PXDNL: variants seen among roughly 807,000 people sequenced by gnomAD.
The protein encoded by PXDNL is peroxidasin like.
In PXDNL, 145 loss-of-function variants were observed where a neutral mutation model predicts 150.8. The observed-to-expected ratio is 0.96, with a 90% CI of 0.84 to 1.10. The LOEUF is 1.10. Ranked by LOEUF, PXDNL falls within the 50% of genes least tolerant of loss-of-function variation. The pLI, the probability that PXDNL is intolerant of heterozygous loss-of-function variation, is 0.00. For missense variants in PXDNL, 2,087 were observed against 1,873.9 expected (o/e 1.11, Z -2.10); for synonymous variants, 757 against 725.7 (o/e 1.04, Z -0.69).
At chr8:51,753,913 A>G (rs2037071695) in intron 1 of PXDNL, among the ~76,000 whole-genome samples, 1 of 152,216 alleles carries the variant, frequency 6.6e-6, no homozygotes, top group African/African-American at 2.4e-5. Context: ...TGATTTGATG[A>G]AAGTCTCACT....
chr8:51,618,146 A>G (rs189076377), intron 2 of PXDNL, among the ~76,000 whole-genome samples: 8 of 152,276 alleles, frequency 5.3e-5, no homozygotes, highest in African/African-American at 1.9e-4. Flanking sequence ...AGTCACCCAG[A>G]CCTCCAGATG....
rs145408701 is a variant in PXDNL at position 51,576,387 on chromosome 8, T to A, written c.308+16240A>T. On this transcript the variant is annotated intron_variant, in intron 3 of 22. Transcript: ENST00000356297. ...ATAGCAAAAAGATAACAGGAGAATATCTAAACACTTGGAAACCAAACAACG... is the reference window on the plus strand; with the variant it reads ...ATAGCAAAAAGATAACAGGAGAATAACTAAACACTTGGAAACCAAACAACG... 5.5e-3 allele frequency among the ~76,000 whole-genome samples: 840 copies of A among 151,672 alleles called. 9 individuals are homozygous for A. The highest frequency in any genetic ancestry group is 0.019 in the African/African-American group (794 of 41,388).
intron 3 of PXDNL, among the ~76,000 whole-genome samples, chr8:51,563,854 G>T (rs1812762506): frequency 6.6e-6 from 1 of 151,836 alleles, no homozygotes; most frequent in Non-Finnish European, 1.5e-5. Flanking sequence ...AGACAGTACA[G>T]AGCAATGTAA....
At chr8:51,486,770 ATATATATATATATATATATATATATTTT>A (rs1810752869) in intron 5 of PXDNL, among the ~76,000 whole-genome samples, 1 of 7,284 alleles carries the variant, frequency 1.4e-4, no homozygotes. Flanking sequence ...ATATATATAT[ATATATATATATATATATATATATATTTT>A]TTTTTTTTTT....
chr8:51,521,076 C>CAA (rs199940142), intron 4 of PXDNL, among the ~76,000 whole-genome samples: 1 of 150,334 alleles, frequency 6.7e-6, no homozygotes, highest in African/African-American at 2.4e-5. Context: ...CCCGTTTCTG[C>CAA]AAAAAAAAAT....
At chr8:51,332,425 A>G (rs1431585657) in intron 21 of PXDNL, among the ~76,000 whole-genome samples, 5 of 152,180 alleles carry the variant, frequency 3.3e-5, no homozygotes, top group Admixed American at 1.3e-4. Flanking sequence ...AGGCTCATCA[A>G]TGATCCCAAA....
intron 4 of PXDNL, among the ~76,000 whole-genome samples, chr8:51,542,869 A>G (rs1812253231): frequency 6.6e-6 from 1 of 152,166 alleles, no homozygotes. Flanking sequence ...AGACAGATCA[A>G]CAAAGGCCAA....
chr8:51,401,513 T>A (rs1200025800), intron 17 of PXDNL, among the ~76,000 whole-genome samples: 1 of 152,190 alleles, frequency 6.6e-6, no homozygotes, highest in African/African-American at 2.4e-5. Flanking sequence ...ACAAAGTCAC[T>A]GCCTCCAAAT....
chr8:51,615,528 TG>T (rs1563484512), intron 2 of PXDNL, among the ~76,000 whole-genome samples: 1 of 151,814 alleles, frequency 6.6e-6, no homozygotes, highest in South Asian at 2.1e-4. Context: ...TTAAAGAGTC[TG>T]GGGGGAAAAG....
At position 51,664,212 on chromosome 8, in the gene PXDNL, G is replaced by A. The variant is rs147612381; in HGVS notation, c.165-9452C>T. On this transcript the variant is annotated intron_variant, in intron 1 of 22. Coordinates refer to ENST00000356297, the MANE Select transcript of PXDNL (RefSeq NM_144651.5). ...TCCAACTGCAAAGTCTAACTCGGAG[G>A]TCATCATATACCATGTTATATAAAG... Among the ~76,000 whole-genome samples the A allele has an allele frequency of 9.9e-3, 1,508 of 152,254 alleles. 21 individuals are homozygous for A. Among genetic ancestry groups the A allele is most frequent in the Non-Finnish European group, 0.016 (1,055 of 68,010 alleles).
intron 1 of PXDNL, among the ~76,000 whole-genome samples, chr8:51,728,975 A>G (rs1816869643): frequency 6.6e-6 from 1 of 152,136 alleles, no homozygotes; most frequent in South Asian, 2.1e-4. Flanking sequence ...TGCCTTTTAT[A>G]TGGTATTTTT....
intron 2 of PXDNL, among the ~76,000 whole-genome samples, chr8:51,647,811 A>C (rs985749096): frequency 1.3e-5 from 2 of 152,214 alleles, no homozygotes; most frequent in Non-Finnish European, 2.9e-5. Flanking sequence ...CACTTACAAT[A>C]GTGTCTCCAT....
intron 1 of PXDNL, among the ~76,000 whole-genome samples, chr8:51,667,615 T>C (rs1815411848): frequency 6.6e-6 from 1 of 152,080 alleles, no homozygotes; most frequent in Non-Finnish European, 1.5e-5. Context: ...GGATGCCAAA[T>C]ACATAAATAT....
intron 19 of PXDNL, among the ~76,000 whole-genome samples, chr8:51,349,170 T>G (rs538627037): frequency 0.081 from 5,255 of 64,886 alleles, 295 homozygotes; most frequent in African/African-American, 0.17. Context: ...TGGGTGTGTG[T>G]GTGGGGGTGT....
intron 4 of PXDNL, among the ~76,000 whole-genome samples, chr8:51,509,763 C>A (rs947094478): frequency 8.3e-6 from 1 of 121,134 alleles, no homozygotes; most frequent in African/African-American, 3.4e-5. Flanking sequence ...CACACACACA[C>A]ACACACACAC....
intron 1 of PXDNL, among the ~76,000 whole-genome samples, chr8:51,807,354 T>C (rs2037688604): frequency 1.5e-5 from 1 of 65,916 alleles, no homozygotes; most frequent in Admixed American, 1.7e-4. Flanking sequence ...GATCTTGTGA[T>C]ACCTCACTCT....
At chr8:51,499,805 T>G in intron 4 of PXDNL, 35 bp from the exon 5 acceptor site, 1 of 1,332,254 alleles carries the variant, frequency 7.5e-7, no homozygotes, top group Non-Finnish European at 1.1e-6. Flanking sequence ...TTACTCCTTG[T>G]GCTGGTGAGT....
At chr8:51,809,117 G>A in intron 1 of PXDNL, 64 bp downstream of exon 1, 1 of 1,547,742 alleles carries the variant, frequency 6.5e-7, no homozygotes. Context: ...AAGGACACAG[G>A]TCCTAGCAGA....
chr8:51,400,862 T>G (rs1808227036), intron 17 of PXDNL, among the ~76,000 whole-genome samples: 1 of 152,180 alleles, frequency 6.6e-6, no homozygotes, highest in Admixed American at 6.5e-5. Flanking sequence ...AATAAATTGG[T>G]AGGAATAAGT....
Sources: allele counts gnomAD v4.1 joint callset (sites outside exome capture counted in the v4.1 genomes callset), GRCh38; gene constraint gnomAD v4.1.1; transcripts MANE v1.5; gene names NCBI Gene and HGNC (gene_info 2026-07-23, HGNC 2026-07-21).